The following RHBDF2 variants were observed in gnomAD, a reference collection of about 807,000 sequenced individuals.
RHBDF2 encodes inactive rhomboid protein 2.
In RHBDF2, 38 loss-of-function variants were observed where a neutral mutation model predicts 95.2. That is an observed-to-expected ratio of 0.40 (90% CI 0.31 to 0.52). The LOEUF (loss-of-function observed/expected upper bound fraction) is 0.52. Among genes scored for constraint, RHBDF2 ranks in the 20% least tolerant of loss-of-function variants. RHBDF2 has a pLI of 0.56. For missense variants in RHBDF2, 863 were observed against 1,137.7 expected (o/e 0.76, Z 3.47); for synonymous variants, 442 against 462.0 (o/e 0.96, Z 0.55).
Position 76,478,879 on chromosome 17 carries a change from T to C in RHBDF2, c.599A>G (p.Tyr200Cys). 1 of 1,612,424 alleles carries C rather than the reference T, an allele frequency of 6.2e-7. No homozygotes were observed. Among genetic ancestry groups the C allele is most frequent in the Non-Finnish European group, 8.5e-7 (1 of 1,179,378 alleles). ...LTSFTSVRSG[Y>C]SHLPRRKRMS... is the part of the protein sequence containing the mutation. ...TCTCTTGCGGCGTGGCAGGTGGGAG[T>C]AGCCAGAACGGACACTGGTGAAGGA... Residue 200 changes from tyrosine to cysteine, a missense_variant, in exon 6 of 19, where the codon TAC (tyrosine) becomes TGC (cysteine). This residue lies in a region of RHBDF2 where 611 missense variants were observed against 725.5 expected (regional missense o/e 0.84). Transcript: ENST00000675367.
At chr17:76,489,521 C>T (rs1053688954) in intron 1 of RHBDF2, among the ~76,000 whole-genome samples, 1 of 152,170 alleles carries the variant, frequency 6.6e-6, no homozygotes, top group East Asian at 1.9e-4. Context: ...GACGGGGTTT[C>T]ACCATGTTAG....
At chr17:76,488,370 C>T (rs2074200609) in intron 1 of RHBDF2, among the ~76,000 whole-genome samples, 1 of 151,670 alleles carries the variant, frequency 6.6e-6, no homozygotes, top group Non-Finnish European at 1.5e-5. Flanking sequence ...TATGGTGGTG[C>T]ACACCTTTAG....
intron 1 of RHBDF2, among the ~76,000 whole-genome samples, chr17:76,497,386 T>C (rs2074452670): frequency 6.6e-6 from 1 of 152,106 alleles, no homozygotes; most frequent in East Asian, 1.9e-4. Context: ...CATGCCCAGA[T>C]GGAAACCCAC....
chr17:76,471,260 T>G lies in RHBDF2; in HGVS notation c.*373A>C. 4 of 221,328 alleles carry G rather than the reference T, an allele frequency of 1.8e-5. No individual in the cohort carries two copies. The highest frequency in any genetic ancestry group is 2.7e-5 in the Non-Finnish European group (3 of 110,912). The allele number at this position is 221,328 out of a possible 1,614,324, so 13.7% of individuals were successfully genotyped here. A position where few individuals can be genotyped will look rare whatever the true frequency, so the allele number is the denominator to read the frequency against. ...CGTCCCCAGCAAGGGCACGCTCCAG[T>G]AGTAGTGGGGGAGAAGGCACCAGCA... On this transcript the variant is annotated 3_prime_UTR_variant, in exon 19 of 19. Transcript: ENST00000675367.
chr17:76,473,857 A>C lies in RHBDF2; in HGVS notation c.1620T>G (p.Asp540Glu). ...PASSGAHIWPDDITKWPICTE... is the reference protein window; with the variant it reads ...PASSGAHIWPEDITKWPICTE... ...CACTCACCGGCCACTTAGTGATGTC[A>C]TCGGGCCAGATGTGGGCACCGCTGG... Residue 540 changes from aspartate to glutamate, a missense_variant, in exon 14 of 19, where the codon GAT becomes GAG. Physicochemically the swap from Asp to Glu is conservative, Grantham distance 45. Coordinates refer to ENST00000675367, the MANE Select transcript of RHBDF2 (RefSeq NM_001005498.4). The C allele has an allele frequency of 6.8e-6, 11 of 1,614,110 alleles. No homozygotes were observed. Among genetic ancestry groups the C allele is most frequent in the Non-Finnish European group, 9.3e-6 (11 of 1,180,028 alleles).
intron 2 of RHBDF2, among the ~76,000 whole-genome samples, chr17:76,482,830 G>C (rs1258659391): frequency 6.7e-6 from 1 of 149,348 alleles, no homozygotes; most frequent in African/African-American, 2.5e-5. Flanking sequence ...CCCATAGTGA[G>C]AACACTGTTT....
intron 9 of RHBDF2, 120 bp downstream of exon 9, chr17:76,476,710 C>T: frequency 7.1e-7 from 1 of 1,413,750 alleles, no homozygotes; most frequent in Non-Finnish European, 9.3e-7. Context: ...TCACTACACT[C>T]CTGATCCGCA....
intron 2 of RHBDF2, 109 bp downstream of exon 2, chr17:76,487,603 A>G (rs1483061078): frequency 1.3e-5 from 2 of 152,162 alleles, no homozygotes; most frequent in African/African-American, 2.4e-5. Flanking sequence ...TTCTTCATTC[A>G]CTGTCCACCG....
chr17:76,495,659 G>A (rs1250858841), intron 1 of RHBDF2, among the ~76,000 whole-genome samples: 1 of 152,140 alleles, frequency 6.6e-6, no homozygotes. Flanking sequence ...GGACTGGCTG[G>A]GTGTGAGCAT....
At position 76,474,951 on chromosome 17, in the gene RHBDF2, G is replaced by A. The variant is rs193283251; in HGVS notation, c.1227+79C>T. On this transcript the variant is annotated intron_variant, in intron 10 of 18. Transcript: ENST00000675367. ...CCTGCTGGGGCCAGATTGTTGCGGT[G>A]GGAGGGATTAGGTACCCACGACACT... The A allele has an allele frequency of 2.7e-6, 4 of 1,461,750 alleles. No homozygotes were observed. In the East Asian group the frequency reaches 9.7e-5, roughly 35 times the overall value. The allele number at this position is 1,461,750 out of a possible 1,614,324, so 90.5% of individuals were successfully genotyped here.
intron 2 of RHBDF2, among the ~76,000 whole-genome samples, chr17:76,484,122 G>T (rs1255394633): frequency 6.6e-6 from 1 of 152,164 alleles, no homozygotes; most frequent in Admixed American, 6.5e-5. Context: ...AATTAGCTGG[G>T]TGTGGTGGCG....
At position 76,473,421 on chromosome 17, in the gene RHBDF2, C is replaced by G. The variant is rs1012557613; in HGVS notation, c.1734-94G>C. 10 of 1,219,514 alleles carry G rather than the reference C, an allele frequency of 8.2e-6. No homozygotes were observed. In the East Asian group the frequency reaches 2.5e-4, roughly 31 times the overall value. 75.5% of individuals were successfully genotyped at this position (1,219,514 alleles called of 1,614,324 possible). On this transcript the variant is annotated intron_variant, in intron 15 of 18. Transcript: ENST00000675367. ...CCCAGCACCTGGCTACAGGAGGCAT[C>G]GCTGGCAGGAAGGGGGATGCCGCAT...
At chr17:76,501,015 C>T (rs1324018482) in intron 1 of RHBDF2, 5 of 152,326 alleles carry the variant, frequency 3.3e-5, no homozygotes, top group Admixed American at 3.3e-4. Context: ...TGCGCAGTCT[C>T]CTCTCTTCCT....
intron 1 of RHBDF2, among the ~76,000 whole-genome samples, chr17:76,495,879 G>A (rs2074416627): frequency 6.6e-6 from 1 of 152,180 alleles, no homozygotes. Flanking sequence ...TGCTTCCCAG[G>A]GAAGAGGCTG....
rs146837357 is a variant in RHBDF2, at chr17:76,498,319, C to T, written c.-220+3034G>A. Among the ~76,000 whole-genome samples, 24 of 152,322 alleles carry T rather than the reference C, an allele frequency of 1.6e-4. No individual in the cohort carries two copies. In the East Asian group the frequency reaches 2.5e-3, roughly 16 times the overall value. ...TTCCGACAGCCAGCGCTTCCACAGCCGGTGCAGATGCCTGAGCTCACTCTG... is the reference window on the plus strand; with the variant it reads ...TTCCGACAGCCAGCGCTTCCACAGCTGGTGCAGATGCCTGAGCTCACTCTG... On this transcript the variant is annotated intron_variant, in intron 1 of 18. Transcript: ENST00000675367.
chr17:76,475,545 C>T (rs368636988), intron 9 of RHBDF2, among the ~76,000 whole-genome samples: 1 of 152,072 alleles, frequency 6.6e-6, no homozygotes, highest in African/African-American at 2.4e-5. Flanking sequence ...TATCCTCCTC[C>T]GGGACACCCA....
Position 76,477,801 on chromosome 17 carries a change from G to A in RHBDF2, c.673-16C>T. 1 of 1,606,810 alleles carries A rather than the reference G, an allele frequency of 6.2e-7. No homozygotes were observed. The highest frequency in any genetic ancestry group is 8.5e-7 in the Non-Finnish European group (1 of 1,179,670). ...CCGAGCGCCCCTGTGCACGGGCAGA[G>A]GCACAGCCATCAGGACCACAGCCTG... On this transcript the variant is annotated splice_polypyrimidine_tract_variant and intron_variant, in intron 6 of 18. Coordinates refer to ENST00000675367, the MANE Select transcript of RHBDF2 (RefSeq NM_001005498.4).
intron 1 of RHBDF2, among the ~76,000 whole-genome samples, chr17:76,498,723 T>C (rs1409376739): frequency 4.6e-5 from 7 of 152,088 alleles, no homozygotes; most frequent in East Asian, 1.9e-4. Flanking sequence ...CCCAAAGCAT[T>C]TGTAGTGTGA....
Position 76,473,245 on chromosome 17 carries a change from G to A in RHBDF2, c.1809+7C>T, listed in dbSNP as rs200007588. On this transcript the variant is annotated splice_region_variant and intron_variant, in intron 16 of 18. Transcript: ENST00000675367. ...TCCTCCACTACTCCAGGCCTGCCTC[G>A]CCTCACCTGGGAGCAGAGTGTTGCT... 1.3e-3 allele frequency: 2,089 copies of A among 1,611,462 alleles called. 18 individuals carry two copies. The highest frequency in any genetic ancestry group is 1.9e-3 in the East Asian group (83 of 44,832).
Sources: gnomAD v4.1 joint callset for allele counts (sites outside exome capture counted in the v4.1 genomes callset) on GRCh38, gnomAD v4.1.1 for gene constraint, gnomAD v4.1.1 regional missense constraint, MANE v1.5 for transcripts, NCBI Gene and HGNC (gene_info 2026-07-23, HGNC 2026-07-21) for gene names.